The following MAP3K5 variants were observed in gnomAD, a reference collection of about 807,000 sequenced individuals.
MAP3K5 encodes the protein mitogen-activated protein kinase kinase kinase 5.
Under a neutral mutation model 158.7 loss-of-function variants are expected in MAP3K5, and 56 were observed. That is an observed-to-expected ratio of 0.35 (90% CI 0.28 to 0.44). The LOEUF is 0.44. MAP3K5 is among the 20% of genes least tolerant of loss of function. MAP3K5 has a pLI of 1.00. For synonymous variants in MAP3K5, 579 were observed against 601.7 expected (o/e 0.96, Z 0.55); for missense variants, 1,294 against 1,674.8 (o/e 0.77, Z 3.97).
intron 7 of MAP3K5, among the ~76,000 whole-genome samples, chr6:136,681,804 A>G (rs1583408627): frequency 6.6e-6 from 1 of 152,054 alleles, no homozygotes; most frequent in Non-Finnish European, 1.5e-5. Flanking sequence ...CTGTAGTCCC[A>G]GCTACTTGGG....
intron 1 of MAP3K5, among the ~76,000 whole-genome samples, chr6:136,747,686 A>G (rs553995753): frequency 1.3e-5 from 2 of 152,362 alleles, no homozygotes; most frequent in African/African-American, 2.4e-5. Context: ...TAATGTGTAC[A>G]TGAATCACCA....
At chr6:136,771,249 C>T (rs1032340453) in intron 1 of MAP3K5, among the ~76,000 whole-genome samples, 1 of 152,138 alleles carries the variant, frequency 6.6e-6, no homozygotes, top group African/African-American at 2.4e-5. Context: ...TGCAAACAGA[C>T]AACTTACTAC....
intron 1 of MAP3K5, among the ~76,000 whole-genome samples, chr6:136,780,429 G>T (rs1784569155): frequency 6.6e-6 from 1 of 152,072 alleles, no homozygotes; most frequent in Non-Finnish European, 1.5e-5. Flanking sequence ...TACCATATTT[G>T]CTCTTCGAAC....
chr6:136,726,253 G>A (rs1029574670), intron 1 of MAP3K5, among the ~76,000 whole-genome samples: 1 of 152,130 alleles, frequency 6.6e-6, no homozygotes, highest in Non-Finnish European at 1.5e-5. Flanking sequence ...GAATTGTGTT[G>A]CATCTAAAAA....
intron 1 of MAP3K5, among the ~76,000 whole-genome samples, chr6:136,775,593 C>A (rs961310473): frequency 6.6e-6 from 1 of 152,104 alleles, no homozygotes; most frequent in African/African-American, 2.4e-5. Flanking sequence ...GATAATAAAC[C>A]ATGGAGAATA....
intron 26 of MAP3K5, among the ~76,000 whole-genome samples, chr6:136,563,119 T>G (rs1459961943): frequency 6.6e-6 from 1 of 152,168 alleles, no homozygotes; most frequent in African/African-American, 2.4e-5. Context: ...ACACTGATGT[T>G]GCAGGTTCAC....
chr6:136,765,948 C>T (rs1237836720), intron 1 of MAP3K5, among the ~76,000 whole-genome samples: 1 of 152,142 alleles, frequency 6.6e-6, no homozygotes, highest in Non-Finnish European at 1.5e-5. Flanking sequence ...GATCCACAGT[C>T]TAAATTTTGT....
At chr6:136,737,102 C>T (rs1022683775) in intron 1 of MAP3K5, among the ~76,000 whole-genome samples, 7 of 144,132 alleles carry the variant, frequency 4.9e-5, no homozygotes, top group East Asian at 2.0e-4. Flanking sequence ...AGAAGGCTAT[C>T]GACGGAGGCC....
intron 1 of MAP3K5, among the ~76,000 whole-genome samples, chr6:136,737,609 C>T (rs1057153672): frequency 4.6e-5 from 7 of 152,316 alleles, no homozygotes; most frequent in South Asian, 4.1e-4. Context: ...CCGGTTTCTT[C>T]GCCTCAGCTT....
chr6:136,789,528 A>G (rs754865033), intron 1 of MAP3K5, among the ~76,000 whole-genome samples: 2 of 152,060 alleles, frequency 1.3e-5, no homozygotes, highest in Non-Finnish European at 2.9e-5. Flanking sequence ...TTCCGAGAGC[A>G]TGCCCTCCCC....
intron 1 of MAP3K5, among the ~76,000 whole-genome samples, chr6:136,755,751 A>G (rs1011810784): frequency 6.6e-6 from 1 of 151,946 alleles, no homozygotes; most frequent in Non-Finnish European, 1.5e-5. Flanking sequence ...ATTTCCCTAG[A>G]CAAGTGCCCT....
chr6:136,734,191 G>A (rs1366657652), intron 1 of MAP3K5, among the ~76,000 whole-genome samples: 2 of 152,090 alleles, frequency 1.3e-5, no homozygotes, highest in African/African-American at 2.4e-5. Flanking sequence ...GGCTGAGGCA[G>A]GTGGATTACC....
At chr6:136,699,701 G>A (rs1222197354) in intron 3 of MAP3K5, among the ~76,000 whole-genome samples, 1 of 152,186 alleles carries the variant, frequency 6.6e-6, no homozygotes. Flanking sequence ...AATCTGACTG[G>A]AGCTCGAAGC....
At chr6:136,564,993 G>C (rs1206231556) in intron 26 of MAP3K5, among the ~76,000 whole-genome samples, 1 of 152,186 alleles carries the variant, frequency 6.6e-6, no homozygotes, top group Non-Finnish European at 1.5e-5. Context: ...CTGGCCACGA[G>C]GCATCCCTGG....
In MAP3K5 at chr6:136,592,211, C is replaced by A; in HGVS notation, c.3187G>T (p.Asp1063Tyr). ...TCCATTAGGTTTCTCACAATTTTGT[C>A]TTGGTCTTCCGTCAGGATCCTGTGA... ...TLHRILTEDQ[D>Y]KIVRNLMESL... The change falls in exon 23 of 30, where the codon GAC becomes TAC. Residue 1063 changes from aspartate (D) to tyrosine (Y), a missense_variant. This residue lies in a region of MAP3K5 where 362 missense variants were observed against 463.2 expected (regional missense o/e 0.78). Coordinates refer to ENST00000359015, the MANE Select transcript of MAP3K5 (RefSeq NM_005923.4). The A allele has an allele frequency of 6.2e-7, 1 of 1,604,256 alleles. No individual in the cohort carries two copies. Among genetic ancestry groups the A allele is most frequent in the Non-Finnish European group, 8.5e-7 (1 of 1,175,980 alleles).
intron 1 of MAP3K5, among the ~76,000 whole-genome samples, chr6:136,732,039 G>T (rs7761520): frequency 0.5 from 75,845 of 151,946 alleles, 19,310 homozygotes; most frequent in African/African-American, 0.59. Flanking sequence ...TAATGGAGGC[G>T]ATCTCTGTAT....
intron 8 of MAP3K5, among the ~76,000 whole-genome samples, chr6:136,661,956 C>G (rs1367031149): frequency 6.6e-6 from 1 of 152,200 alleles, no homozygotes; most frequent in African/African-American, 2.4e-5. Context: ...TTGTGACACC[C>G]AGCCAGCATT....
intron 8 of MAP3K5, among the ~76,000 whole-genome samples, chr6:136,666,602 A>G (rs1779239780): frequency 6.6e-6 from 1 of 152,152 alleles, no homozygotes; most frequent in African/African-American, 2.4e-5. Flanking sequence ...TATACTATCA[A>G]TTAACATCAT....
intron 1 of MAP3K5, among the ~76,000 whole-genome samples, chr6:136,726,419 C>G (rs559160387): frequency 6.6e-6 from 1 of 152,246 alleles, no homozygotes; most frequent in African/African-American, 2.4e-5. Flanking sequence ...ATGGTGAAAC[C>G]CTGTCTCTAC....
Sources: allele counts gnomAD v4.1 joint callset (sites outside exome capture counted in the v4.1 genomes callset), GRCh38; gene constraint gnomAD v4.1.1; regional missense constraint gnomAD v4.1.1; transcripts MANE v1.5; gene names NCBI Gene and HGNC (gene_info 2026-07-23, HGNC 2026-07-21).